KIRREL3: variants seen among roughly 807,000 people sequenced by gnomAD.
The protein encoded by KIRREL3 is kin of IRRE-like protein 3.
Under a neutral mutation model 89.7 loss-of-function variants are expected in KIRREL3, and 36 were observed. That is an observed-to-expected ratio of 0.40 (90% confidence interval 0.31 to 0.53). The LOEUF is 0.53. KIRREL3 is among the 20% of genes least tolerant of loss of function. The probability of loss-of-function intolerance (pLI) is 0.49; values close to 1 mark genes in which losing one functional copy is unlikely to be tolerated. For missense variants in KIRREL3, 864 were observed against 1,056.6 expected, an observed-to-expected ratio of 0.82 and a Z score of 2.53; for synonymous variants, 445 against 441.4, an observed-to-expected ratio of 1.01 and a Z score of -0.10.
In KIRREL3 at chr11:126,703,071, G is replaced by C. The variant is rs939259640; in HGVS notation, c.56-140159C>G. On this transcript the variant is annotated intron_variant, in intron 1 of 16. Coordinates refer to ENST00000525144, the MANE Select transcript of KIRREL3 (RefSeq NM_032531.4). This position sits in a 1 kb window ranked among gnomAD's most constrained non-coding sequence, Gnocchi z 4.6. ...GAGTATGGACCTAAATGAGAAGGGT[G>C]AGTAGTAGATGGCGTATTCTCTGGG... Among the ~76,000 whole-genome samples the C allele has an allele frequency of 6.6e-6, 1 of 152,244 alleles. No individual in the cohort carries two copies. Among genetic ancestry groups the C allele is most frequent in the African/African-American group, 2.4e-5 (1 of 41,464 alleles).
intron 1 of KIRREL3, among the ~76,000 whole-genome samples, chr11:126,887,601 C>G (rs1392800270): frequency 6.6e-6 from 1 of 152,122 alleles, no homozygotes; most frequent in African/African-American, 2.4e-5. Flanking sequence ...AGCCTCTCCT[C>G]TCTCCCACCC....
At position 126,454,970 on chromosome 11, in the gene KIRREL3, C is replaced by G. The variant is rs78047702; in HGVS notation, c.848+1379G>C. On this transcript the variant is annotated intron_variant, in intron 7 of 16. Coordinates refer to ENST00000525144, the MANE Select transcript of KIRREL3 (RefSeq NM_032531.4). This position sits in a 1 kb window ranked among gnomAD's most constrained non-coding sequence, Gnocchi z 5.8. ...TAATTACGCACTCTGCAGGGAGCAC[C>G]TCCTCATGTCCAACCTGAATCCCTG... Among the ~76,000 whole-genome samples, 24,082 of 152,066 alleles carry G rather than the reference C, an allele frequency of 0.16. 2,579 individuals are homozygous for G. Among genetic ancestry groups the G allele is most frequent in the East Asian group, 0.41 (2,138 of 5,166 alleles).
chr11:126,675,736 G>A (rs1169705654), intron 1 of KIRREL3, among the ~76,000 whole-genome samples: 1 of 152,162 alleles, frequency 6.6e-6, no homozygotes, highest in Non-Finnish European at 1.5e-5. Context: ...GAAAGGTTTT[G>A]TAAGCCAAGC....
At chr11:126,461,965 G>A (rs1344957169) in intron 6 of KIRREL3, among the ~76,000 whole-genome samples, 2 of 152,186 alleles carry the variant, frequency 1.3e-5, no homozygotes, top group African/African-American at 4.8e-5. Flanking sequence ...TATGTTTGGC[G>A]GCAGGGAGGG....
Position 126,519,079 on chromosome 11 carries a change from C to T in KIRREL3, c.433+2236G>A, listed in dbSNP as rs1338578063. On this transcript the variant is annotated intron_variant, in intron 4 of 16. Transcript: ENST00000525144. This position sits in a 1 kb window ranked among gnomAD's most constrained non-coding sequence, Gnocchi z 4.3. ...CTGGGGATCATGGAAACTTCCTCTG[C>T]CCTCCTTCCGCTGATCTCCAGACTT... 6.6e-6 allele frequency among the ~76,000 whole-genome samples: 1 copy of T among 152,240 alleles called. No individual in the cohort carries two copies. Among genetic ancestry groups the T allele is most frequent in the Non-Finnish European group, 1.5e-5 (1 of 68,046 alleles).
At chr11:126,452,793 G>A (rs1956221688) in intron 7 of KIRREL3, among the ~76,000 whole-genome samples, 1 of 152,162 alleles carries the variant, frequency 6.6e-6, no homozygotes, top group East Asian at 1.9e-4. Context: ...CCCAAGCCAG[G>A]TCTTTTGGGG....
rs1943284415 is a variant in KIRREL3 at position 126,614,998 on chromosome 11, G to A, written c.56-52086C>T. Among the ~76,000 whole-genome samples, 1 of 152,098 alleles carries A rather than the reference G, an allele frequency of 6.6e-6. No individual in the cohort carries two copies. Among genetic ancestry groups the A allele is most frequent in the Non-Finnish European group, 1.5e-5 (1 of 68,024 alleles). On this transcript the variant is annotated intron_variant, in intron 1 of 16. Coordinates refer to ENST00000525144, the MANE Select transcript of KIRREL3 (RefSeq NM_032531.4). This position sits in a 1 kb window ranked among gnomAD's most constrained non-coding sequence, Gnocchi z 4.6. ...TTAGCCTAGAAAAGGGGGGACTTGGGGAGAGGCGTGATTTGCGGTCTTCAA... is the reference window on the plus strand; with the variant it reads ...TTAGCCTAGAAAAGGGGGGACTTGGAGAGAGGCGTGATTTGCGGTCTTCAA...
chr11:126,479,375 G>C (rs1198673382), intron 4 of KIRREL3, among the ~76,000 whole-genome samples: 1 of 152,186 alleles, frequency 6.6e-6, no homozygotes, highest in Non-Finnish European at 1.5e-5. Flanking sequence ...GGCTATGATA[G>C]CTGAGTGAAG....
intron 1 of KIRREL3, among the ~76,000 whole-genome samples, chr11:126,888,411 G>T (rs986627223): frequency 2.0e-5 from 3 of 152,150 alleles, no homozygotes; most frequent in Non-Finnish European, 2.9e-5. Context: ...ATTCTTACCA[G>T]GCTGCCTACA....
At chr11:126,823,594 C>T (rs964176787) in intron 1 of KIRREL3, among the ~76,000 whole-genome samples, 1 of 152,086 alleles carries the variant, frequency 6.6e-6, no homozygotes, top group Admixed American at 6.5e-5. Flanking sequence ...TTGGTGGGTC[C>T]CTGCAGTGGG....
Position 126,924,138 on chromosome 11 carries a change from T to C in KIRREL3, c.55+76317A>G, listed in dbSNP as rs1212739056. 1.3e-5 allele frequency among the ~76,000 whole-genome samples: 2 copies of C among 152,260 alleles called. No homozygotes were observed. Among genetic ancestry groups the C allele is most frequent in the Non-Finnish European group, 2.9e-5 (2 of 68,052 alleles). ...AGACACTTGATAAGCAGTGGTCTTA[T>C]GGCTGGTAGCCCAGGCAGCTCTTGA... On this transcript the variant is annotated intron_variant, in intron 1 of 16. Coordinates refer to ENST00000525144, the MANE Select transcript of KIRREL3 (RefSeq NM_032531.4). The surrounding 1 kb of genome is among the most constrained non-coding windows in gnomAD (Gnocchi z 4.7).
At chr11:126,832,800 G>A (rs139524681) in intron 1 of KIRREL3, among the ~76,000 whole-genome samples, 19 of 152,280 alleles carry the variant, frequency 1.2e-4, no homozygotes, top group East Asian at 3.9e-4. Context: ...TGGTCTGGAC[G>A]CCTTTCTTGT....
In KIRREL3 at chr11:126,455,623, C is replaced by G. The variant is rs964991670; in HGVS notation, c.848+726G>C. ...CTAACACGGTGAAACGCTGTCTCTA[C>G]TAAAAATACAAAAAAAAAAAAAAAT... On this transcript the variant is annotated intron_variant, in intron 7 of 16. Coordinates refer to ENST00000525144, the MANE Select transcript of KIRREL3 (RefSeq NM_032531.4). This position sits in a 1 kb window ranked among gnomAD's most constrained non-coding sequence, Gnocchi z 6.4. Among the ~76,000 whole-genome samples the G allele has an allele frequency of 2.6e-5, 3 of 117,200 alleles. No individual in the cohort carries two copies. Among genetic ancestry groups the G allele is most frequent in the African/African-American group, 9.5e-5 (3 of 31,414 alleles). The allele number at this position is 117,200 out of a possible 152,430, so 76.9% of individuals were successfully genotyped here.
chr11:126,673,649 T>C (rs1946056798), intron 1 of KIRREL3, among the ~76,000 whole-genome samples: 1 of 152,212 alleles, frequency 6.6e-6, no homozygotes, highest in Non-Finnish European at 1.5e-5. Flanking sequence ...AGGGCCTCAC[T>C]CATCACACGT....
rs1445736731 is a variant in KIRREL3 at position 126,519,911 on chromosome 11, G to A, written c.433+1404C>T. On this transcript the variant is annotated intron_variant, in intron 4 of 16. Coordinates refer to ENST00000525144, the MANE Select transcript of KIRREL3 (RefSeq NM_032531.4). The surrounding 1 kb of genome is among the most constrained non-coding windows in gnomAD (Gnocchi z 4.3). The stretch of plus-strand genomic sequence containing the variant: ...ACCCCAATTACTCCTCGGAAGGCCC[G>A]CTTCCCGGCCATGGAATCCCAACTT... Among the ~76,000 whole-genome samples the A allele has an allele frequency of 1.3e-5, 2 of 152,130 alleles. No homozygotes were observed. The highest frequency in any genetic ancestry group is 6.5e-5 in the Admixed American group (1 of 15,270).
rs546418864 is a variant in KIRREL3 at position 126,883,993 on chromosome 11, C to T, written c.55+116462G>A. On this transcript the variant is annotated intron_variant, in intron 1 of 16. Coordinates refer to ENST00000525144, the MANE Select transcript of KIRREL3 (RefSeq NM_032531.4). This position sits in a 1 kb window ranked among gnomAD's most constrained non-coding sequence, Gnocchi z 4.1. ...CTGCAGGTATTAAAGTGGAGGGTGACTGGCCACCCGGGGAGATTGACAAGT... is the reference window on the plus strand; with the variant it reads ...CTGCAGGTATTAAAGTGGAGGGTGATTGGCCACCCGGGGAGATTGACAAGT... Among the ~76,000 whole-genome samples the T allele has an allele frequency of 1.5e-3, 233 of 152,308 alleles. 1 individual carries two copies. The highest frequency in any genetic ancestry group is 0.01 in the Middle Eastern group (3 of 294).
chr11:126,809,276 C>T (rs534616211), intron 1 of KIRREL3, among the ~76,000 whole-genome samples: 1 of 152,258 alleles, frequency 6.6e-6, no homozygotes, highest in South Asian at 2.1e-4. Context: ...GGAATCTCCT[C>T]CGTGCTCTAG....
In KIRREL3 at chr11:126,627,855, T is replaced by A. The variant is rs1943859362; in HGVS notation, c.56-64943A>T. On this transcript the variant is annotated intron_variant, in intron 1 of 16. Transcript: ENST00000525144. This position sits in a 1 kb window ranked among gnomAD's most constrained non-coding sequence, Gnocchi z 5.0. ...GCACCATGAGCCTCTCTCTCTCCCA[T>A]GTGTAGTGAGAGGATAGGTGGGTAG... 6.6e-6 allele frequency among the ~76,000 whole-genome samples: 1 copy of A among 152,028 alleles called. No individual in the cohort carries two copies. Among genetic ancestry groups the A allele is most frequent in the African/African-American group, 2.4e-5 (1 of 41,408 alleles).
At position 126,587,311 on chromosome 11, in the gene KIRREL3, A is replaced by T. The variant is rs536601900; in HGVS notation, c.56-24399T>A. ...CAAAGGCTGGGAGGTCAGAAAGAAC[A>T]CACTCTGCTCCGGTGATGGCATGTT... is the stretch of plus-strand genomic sequence containing the variant. On this transcript the variant is annotated intron_variant, in intron 1 of 16. Coordinates refer to ENST00000525144, the MANE Select transcript of KIRREL3 (RefSeq NM_032531.4). This position sits in a 1 kb window ranked among gnomAD's most constrained non-coding sequence, Gnocchi z 5.2. Among the ~76,000 whole-genome samples the T allele has an allele frequency of 1.4e-4, 22 of 152,320 alleles. No homozygotes were observed. In the South Asian group the frequency reaches 2.7e-3, roughly 19 times the overall value.
Sources: gnomAD v4.1 joint callset for allele counts (sites outside exome capture counted in the v4.1 genomes callset) on GRCh38, gnomAD v4.1.1 for gene constraint, Gnocchi (gnomAD v3.1) non-coding constraint, MANE v1.5 for transcripts, NCBI Gene and HGNC (gene_info 2026-07-23, HGNC 2026-07-21) for gene names.